The following M1AP variants were observed in gnomAD, a reference collection of about 807,000 sequenced individuals.
M1AP encodes meiosis 1 arrest protein.
Under a neutral mutation model 51.2 loss-of-function variants are expected in M1AP, and 39 were observed. The ratio of observed to expected loss-of-function variants is 0.76; its 90% confidence interval spans 0.59 to 1.00. M1AP has a LOEUF of 1.00. M1AP is among the 50% of genes least tolerant of loss of function. M1AP has a pLI of 0.00. For synonymous variants in M1AP, 251 were observed against 249.2 expected, an observed-to-expected ratio of 1.01 and a Z score of -0.07; for missense variants, 545 against 641.2, an observed-to-expected ratio of 0.85 and a Z score of 1.62.
intron 2 of M1AP, among the ~76,000 whole-genome samples, chr2:74,634,233 AC>A (rs1225213998): frequency 6.6e-6 from 1 of 152,166 alleles, no homozygotes; most frequent in African/African-American, 2.4e-5. Flanking sequence ...CCTGAAAATG[AC>A]CAACAAATAC....
rs1466187264 is a variant in M1AP at position 74,562,367 on chromosome 2, C to T, written c.1131G>A (p.Gln377=). ...KGEPPGPGHS[Q]RIPASTFYVI... Reference sequence around the variant, plus strand: ...CATAGAAGGTGCTGGCAGGAATTCTCTGGCTGTGTCCTGGGCCCGGTGGTT... The same window carrying T: ...CATAGAAGGTGCTGGCAGGAATTCTTTGGCTGTGTCCTGGGCCCGGTGGTT... Residue 377 remains glutamine (Q), a synonymous_variant, in exon 8 of 11, where the codon CAG becomes CAA. Transcript: ENST00000421985. 6.8e-6 allele frequency: 11 copies of T among 1,614,132 alleles called. No homozygotes were observed. The highest frequency in any genetic ancestry group is 4.0e-5 in the African/African-American group (3 of 74,946).
Position 74,575,446 on chromosome 2 carries a change from T to A in M1AP, c.1066A>T (p.Ser356Cys). Residue 356 changes from serine (S) to cysteine (C), a missense_variant, in exon 7 of 11, where the codon AGC becomes TGC. Transcript: ENST00000421985. ...NQQHFHALCHSLLKREWLLLA... is the reference protein window; with the variant it reads ...NQQHFHALCHCLLKREWLLLA... ...GGGACATGGGTACTCACCAGCAGGC[T>A]GTGACACAAAGCATGGAAATGTTGC... 1 of 1,614,168 alleles carries A rather than the reference T, an allele frequency of 6.2e-7. No homozygotes were observed.
intron 4 of M1AP, among the ~76,000 whole-genome samples, chr2:74,586,290 C>G (rs1227031923): frequency 1.3e-5 from 2 of 152,202 alleles, no homozygotes; most frequent in Admixed American, 1.3e-4. Context: ...GGAATTGTTT[C>G]TTTTCACTTT....
In M1AP at chr2:74,562,396, C is replaced by G; in HGVS notation, c.1102G>C (p.Gly368Arg). 6.2e-7 allele frequency: 1 copy of G among 1,614,196 alleles called. No homozygotes were observed. Among genetic ancestry groups the G allele is most frequent in the South Asian group, 1.1e-5 (1 of 91,080 alleles). ...LKREWLLLAK[G>R]EPPGPGHSQR... is the part of the protein sequence containing the mutation. ...CTGTGTCCTGGGCCCGGTGGTTCCC[C>G]CTTGGCTAACAGCAGCCATTCCCTT... The change falls in exon 8 of 11, where the codon GGG becomes CGG. Residue 368 changes from glycine (G) to arginine (R), a missense_variant. Coordinates refer to ENST00000421985, the MANE Select transcript of M1AP (RefSeq NM_001321739.2).
intron 2 of M1AP, 100 bp from the exon 3 acceptor site, chr2:74,615,249 T>G: frequency 9.4e-7 from 1 of 1,067,812 alleles, no homozygotes; most frequent in Non-Finnish European, 1.4e-6. Context: ...AGAAGTTCCT[T>G]CCCTTCCTGA....
intron 1 of M1AP, chr2:74,648,050 G>A: frequency 2.0e-6 from 2 of 985,532 alleles, no homozygotes; most frequent in Non-Finnish European, 2.4e-6. Flanking sequence ...ACTCCGCGCA[G>A]GCCTGGCCGC....
At chr2:74,647,288 G>A (rs1683666679) in intron 1 of M1AP, 1 of 985,222 alleles carries the variant, frequency 1.0e-6, no homozygotes, top group Non-Finnish European at 1.2e-6. Context: ...TCACAGATCG[G>A]CTTCTCGCTG....
At position 74,607,236 on chromosome 2, in the gene M1AP, C is replaced by T. The variant is rs762538068; in HGVS notation, c.427-13G>A. On this transcript the variant is annotated splice_polypyrimidine_tract_variant and intron_variant, in intron 3 of 10. Transcript: ENST00000421985. ...TCAGAATAGTAATCTGAAAATAAAT[C>T]CAAGAATCAATGTGTCTATTCTCCC... The T allele has an allele frequency of 1.2e-6, 2 of 1,613,264 alleles. No homozygotes were observed. The highest frequency in any genetic ancestry group is 1.3e-5 in the African/African-American group (1 of 74,876).
chr2:74,588,977 G>C (rs578058222), intron 4 of M1AP, among the ~76,000 whole-genome samples: 7 of 152,314 alleles, frequency 4.6e-5, no homozygotes, highest in Non-Finnish European at 8.8e-5. Flanking sequence ...ATTCTAGTGA[G>C]AGAACAGATA....
At chr2:74,596,902 TA>T (rs1479671806) in intron 4 of M1AP, among the ~76,000 whole-genome samples, 1 of 152,052 alleles carries the variant, frequency 6.6e-6, no homozygotes, top group Admixed American at 6.6e-5. Flanking sequence ...CTACACAAAA[TA>T]CAGACTAACC....
chr2:74,613,471 T>C (rs1398839955), intron 3 of M1AP, among the ~76,000 whole-genome samples: 3 of 152,192 alleles, frequency 2.0e-5, no homozygotes, highest in Admixed American at 6.5e-5. Context: ...GACTGTGAAC[T>C]TTACAAGTGT....
At chr2:74,606,980 G>A (rs1359047908) in intron 4 of M1AP, 75 bp downstream of exon 4, 5 of 1,275,896 alleles carry the variant, frequency 3.9e-6, no homozygotes, top group South Asian at 2.6e-5. Context: ...TGCCATGTTG[G>A]TGTGCTGCAC....
chr2:74,647,358 A>G, intron 1 of M1AP: 2 of 985,208 alleles, frequency 2.0e-6, no homozygotes, highest in Non-Finnish European at 2.4e-6. Flanking sequence ...GCCCCTTTAC[A>G]AGCCCTCATT....
rs778152207 is a variant in M1AP at position 74,640,176 on chromosome 2, A to C, written c.100T>G (p.Trp34Gly). Reference protein sequence around the residue: ...LLIVHIALPSWADICTNLCEA... With the variant: ...LLIVHIALPSGADICTNLCEA... ...CAGAGGTTGGTGCAGATGTCAGCCC[A>C]GGACGGTAGAGCAATGTGCACAATG... The change falls in exon 2 of 11, where the codon TGG (tryptophan) becomes GGG (glycine). Residue 34 changes from tryptophan (W) to glycine (G), a missense_variant. Trp to Gly is a radical substitution (Grantham distance 184, BLOSUM62 -2). Coordinates refer to ENST00000421985, the MANE Select transcript of M1AP (RefSeq NM_001321739.2). 2 of 1,614,182 alleles carry C rather than the reference A, an allele frequency of 1.2e-6. No individual in the cohort carries two copies. The highest frequency in any genetic ancestry group is 1.7e-5 in the Admixed American group (1 of 60,016).
intron 2 of M1AP, among the ~76,000 whole-genome samples, chr2:74,638,402 G>T (rs1214332570): frequency 1.3e-5 from 2 of 152,064 alleles, no homozygotes; most frequent in Non-Finnish European, 2.9e-5. Flanking sequence ...TTTTTCATAG[G>T]TTTTATCCAG....
At chr2:74,604,934 G>A (rs190664837) in intron 4 of M1AP, among the ~76,000 whole-genome samples, 78 of 152,246 alleles carry the variant, frequency 5.1e-4, no homozygotes, top group African/African-American at 1.7e-3. Flanking sequence ...GTCTGGCCAG[G>A]CATGGTAGCT....
At chr2:74,587,283 C>T (rs1004255303) in intron 4 of M1AP, among the ~76,000 whole-genome samples, 8 of 151,832 alleles carry the variant, frequency 5.3e-5, no homozygotes, top group Non-Finnish European at 8.8e-5. Context: ...ACTGCAAGCT[C>T]CACCTCCCGG....
chr2:74,597,744 T>C (rs1680425536), intron 4 of M1AP, among the ~76,000 whole-genome samples: 1 of 152,226 alleles, frequency 6.6e-6, no homozygotes. Context: ...TGTAATTGGC[T>C]GAATGACTTA....
intron 4 of M1AP, among the ~76,000 whole-genome samples, chr2:74,585,748 T>C (rs363683): frequency 0.013 from 1,988 of 152,342 alleles, 38 homozygotes; most frequent in African/African-American, 0.045. Flanking sequence ...TAGAGACTTA[T>C]GTGTAAACCA....
Sources: gnomAD v4.1 joint callset for allele counts (sites outside exome capture counted in the v4.1 genomes callset) on GRCh38, gnomAD v4.1.1 for gene constraint, MANE v1.5 for transcripts, NCBI Gene and HGNC (gene_info 2026-07-23, HGNC 2026-07-21) for gene names.